SCFD2: variants seen among roughly 807,000 people sequenced by gnomAD.
SCFD2 encodes the protein sec1 family domain-containing protein 2.
Under a neutral mutation model 58.9 loss-of-function variants are expected in SCFD2, and 54 were observed. That is an observed-to-expected ratio of 0.92 (90% CI 0.74 to 1.15). SCFD2 has a LOEUF of 1.15. Among genes scored for constraint, SCFD2 ranks in the 50% most tolerant of loss-of-function variants. The pLI, the probability that SCFD2 is intolerant of heterozygous loss-of-function variation, is 0.00. For missense variants in SCFD2, 805 were observed against 836.6 expected, an observed-to-expected ratio of 0.96 and a Z score of 0.47; for synonymous variants, 321 against 335.9, an observed-to-expected ratio of 0.96 and a Z score of 0.49.
chr4:53,234,170 C>T (rs566965603), intron 4 of SCFD2, among the ~76,000 whole-genome samples: 1 of 151,892 alleles, frequency 6.6e-6, no homozygotes, highest in Admixed American at 6.6e-5. Context: ...ATTGTATGCA[C>T]ATCCAAAAAA....
chr4:52,966,025 T>A (rs1199339532), intron 5 of SCFD2, among the ~76,000 whole-genome samples: 4 of 152,182 alleles, frequency 2.6e-5, no homozygotes, highest in Non-Finnish European at 5.9e-5. Flanking sequence ...GGGACAAGAA[T>A]TAAAAATGGC....
At chr4:53,247,397 C>A (rs1462206935) in intron 4 of SCFD2, among the ~76,000 whole-genome samples, 1 of 151,962 alleles carries the variant, frequency 6.6e-6, no homozygotes, top group Non-Finnish European at 1.5e-5. Flanking sequence ...AGGTATGTAC[C>A]CAAAAAAATA....
At chr4:53,086,061 G>C (rs974505769) in intron 5 of SCFD2, among the ~76,000 whole-genome samples, 6 of 152,114 alleles carry the variant, frequency 3.9e-5, no homozygotes, top group African/African-American at 1.4e-4. Flanking sequence ...AAAAGCCTAT[G>C]CACAGCAAAG....
chr4:53,316,485 T>C (rs965126479), intron 2 of SCFD2, among the ~76,000 whole-genome samples: 8 of 152,242 alleles, frequency 5.3e-5, no homozygotes, highest in African/African-American at 1.9e-4. Flanking sequence ...TTTAAAGCAC[T>C]TTCCTGATTC....
chr4:53,257,891 T>A (rs1204133135), intron 4 of SCFD2, among the ~76,000 whole-genome samples: 5 of 151,580 alleles, frequency 3.3e-5, no homozygotes, highest in Admixed American at 6.6e-5. Flanking sequence ...ACCTCATATT[T>A]AAAAAAAATA....
At position 53,150,915 on chromosome 4, in the gene SCFD2, C is replaced by T. The variant is rs561595550; in HGVS notation, c.1312-5333G>A. Among the ~76,000 whole-genome samples, 3 of 152,236 alleles carry T rather than the reference C, an allele frequency of 2.0e-5. No homozygotes were observed. In the South Asian group the frequency reaches 6.2e-4, roughly 32 times the overall value. ...GGGCTAATTTGGGGAAAGTACTTTA[C>T]CTGATTTAGGAATATATAATCATAG... On this transcript the variant is annotated intron_variant, in intron 4 of 8. Transcript: ENST00000401642.
intron 5 of SCFD2, among the ~76,000 whole-genome samples, chr4:53,028,239 CCT>C (rs1174178595): frequency 6.6e-6 from 1 of 151,204 alleles, no homozygotes; most frequent in Non-Finnish European, 1.5e-5. Context: ...AGAGCAAGAC[CCT>C]GTCTCAAAAA....
chr4:52,993,404 A>G (rs1560504392), intron 5 of SCFD2, among the ~76,000 whole-genome samples: 6 of 70,790 alleles, frequency 8.5e-5, no homozygotes. Flanking sequence ...TACTAAAAAA[A>G]TAAAAAAATA....
At chr4:53,329,494 T>C (rs1733349112) in intron 2 of SCFD2, among the ~76,000 whole-genome samples, 1 of 149,758 alleles carries the variant, frequency 6.7e-6, no homozygotes. Flanking sequence ...CACTGACACC[T>C]CACACGGCAG....
At chr4:53,298,216 C>T (rs553459424) in intron 3 of SCFD2, among the ~76,000 whole-genome samples, 23 of 152,220 alleles carry the variant, frequency 1.5e-4, no homozygotes, top group African/African-American at 2.2e-4. Flanking sequence ...GGGTGACAGA[C>T]GGCACCTGGA....
At chr4:53,250,850 C>A (rs1730342268) in intron 4 of SCFD2, among the ~76,000 whole-genome samples, 1 of 152,032 alleles carries the variant, frequency 6.6e-6, no homozygotes, top group South Asian at 2.1e-4. Flanking sequence ...GAAGTAAGAG[C>A]AAACACATTC....
intron 5 of SCFD2, among the ~76,000 whole-genome samples, chr4:53,085,248 A>G (rs1426666841): frequency 1.3e-5 from 2 of 152,220 alleles, no homozygotes; most frequent in Admixed American, 1.3e-4. Context: ...ACAGTGAACA[A>G]TCTGAAAAAG....
Position 53,252,684 on chromosome 4 carries a change from G to A in SCFD2, c.1311+21142C>T, listed in dbSNP as rs555558420. Among the ~76,000 whole-genome samples, 162 of 152,240 alleles carry A rather than the reference G, an allele frequency of 1.1e-3. 1 individual carries two copies. In the Middle Eastern group the frequency reaches 0.034, roughly 32 times the overall value. On this transcript the variant is annotated intron_variant, in intron 4 of 8. Transcript: ENST00000401642. The stretch of plus-strand genomic sequence containing the variant: ...TGTTGGGAAAACTGGCTAGCCATAT[G>A]TAGAAAGCTGAAACTGGATCCTTTC...
chr4:53,111,473 G>A (rs543969603), intron 5 of SCFD2, among the ~76,000 whole-genome samples: 2 of 152,064 alleles, frequency 1.3e-5, no homozygotes, highest in East Asian at 1.9e-4. Flanking sequence ...TCTTCAAGTC[G>A]GTCATCTTTC....
At chr4:53,330,881 A>C (rs1733432303) in intron 2 of SCFD2, among the ~76,000 whole-genome samples, 2 of 152,066 alleles carry the variant, frequency 1.3e-5, no homozygotes, top group South Asian at 4.1e-4. Flanking sequence ...CACAGGCTCA[A>C]AATAAAAGGA....
chr4:52,947,634 G>C (rs552265089), intron 5 of SCFD2, among the ~76,000 whole-genome samples: 2 of 151,988 alleles, frequency 1.3e-5, no homozygotes, highest in Admixed American at 6.6e-5. Context: ...TGCACATATG[G>C]AAACTTGATA....
At chr4:53,215,944 C>T (rs866140886) in intron 4 of SCFD2, among the ~76,000 whole-genome samples, 8 of 152,110 alleles carry the variant, frequency 5.3e-5, no homozygotes, top group African/African-American at 7.2e-5. Context: ...TGCTGGATTA[C>T]GTTTATTGAT....
At chr4:53,343,939 T>C (rs1733970825) in intron 2 of SCFD2, among the ~76,000 whole-genome samples, 1 of 152,220 alleles carries the variant, frequency 6.6e-6, no homozygotes, top group East Asian at 1.9e-4. Flanking sequence ...AATTAGGTAT[T>C]GATGGGACGT....
chr4:53,195,340 C>T (rs1728030238), intron 4 of SCFD2, among the ~76,000 whole-genome samples: 1 of 152,066 alleles, frequency 6.6e-6, no homozygotes, highest in Admixed American at 6.6e-5. Flanking sequence ...TTATGTTGGA[C>T]CTAATCACAT....
Sources: gnomAD v4.1 joint callset for allele counts (sites outside exome capture counted in the v4.1 genomes callset) on GRCh38, gnomAD v4.1.1 for gene constraint, MANE v1.5 for transcripts, NCBI Gene and HGNC (gene_info 2026-07-23, HGNC 2026-07-21) for gene names.